ANO10: variants seen among roughly 807,000 people sequenced by gnomAD.
ANO10 encodes anoctamin 10.
In ANO10, 77 loss-of-function variants were observed where a neutral mutation model predicts 74.7. That is an observed-to-expected ratio of 1.03 (90% CI 0.86 to 1.25). The LOEUF (loss-of-function observed/expected upper bound fraction) is 1.25, where lower values mean the gene tolerates loss of function less well. Among genes scored for constraint, ANO10 ranks in the 50% most tolerant of loss-of-function variants. The pLI, the probability that ANO10 is intolerant of heterozygous loss-of-function variation, is 0.00. For missense variants in ANO10, 721 were observed against 778.1 expected, an observed-to-expected ratio of 0.93 and a Z score of 0.87; for synonymous variants, 279 against 284.9, an observed-to-expected ratio of 0.98 and a Z score of 0.21.
intron 11 of ANO10, among the ~76,000 whole-genome samples, chr3:43,501,198 G>A (rs948163533): frequency 3.3e-5 from 5 of 152,162 alleles, no homozygotes; most frequent in East Asian, 1.9e-4. Flanking sequence ...GGAAGGTGAA[G>A]GGGAGCCAGC....
chr3:43,611,232 G>A (rs574404397), intron 1 of ANO10, among the ~76,000 whole-genome samples: 3 of 152,226 alleles, frequency 2.0e-5, no homozygotes, highest in East Asian at 3.9e-4. Flanking sequence ...CCCTTTCCAT[G>A]GGCCACTGAG....
chr3:43,484,923 G>A (rs551838987), intron 11 of ANO10: 21 of 736,744 alleles, frequency 2.9e-5, no homozygotes, highest in Middle Eastern at 3.9e-4. Context: ...TTTTTTCACC[G>A]GGGCGTTCCT....
chr3:43,681,698 A>G (rs1327406047), intron 1 of ANO10, among the ~76,000 whole-genome samples: 3 of 152,214 alleles, frequency 2.0e-5, no homozygotes, highest in Non-Finnish European at 2.9e-5. Context: ...TCCTCAGCAA[A>G]TGTAAAAGAA....
chr3:43,615,886 C>A (rs1336949572), intron 1 of ANO10, among the ~76,000 whole-genome samples: 2 of 152,098 alleles, frequency 1.3e-5, no homozygotes, highest in Non-Finnish European at 2.9e-5. Flanking sequence ...ATCTCCTGAC[C>A]TTGTGATCCG....
In ANO10 at chr3:43,576,976, C is replaced by A. The variant is rs1403505889; in HGVS notation, c.878G>T (p.Gly293Val). The stretch of plus-strand genomic sequence containing the variant: ...CTCCTTCCCAGTGATGGAATTGATA[C>A]CCAAGACACCATGAAATCCTGGCCG... ...EPRPGFHGVL[G>V]INSITGKEEP... Residue 293 changes from glycine to valine, a missense_variant, in exon 6 of 13, where the codon GGT becomes GTT. By Grantham distance (109) the Gly-to-Val change is moderately radical. Transcript: ENST00000292246. 4.3e-6 allele frequency: 7 copies of A among 1,613,590 alleles called. No individual in the cohort carries two copies. Among genetic ancestry groups the A allele is most frequent in the Middle Eastern group, 3.3e-4 (2 of 6,082 alleles).
intron 12 of ANO10, among the ~76,000 whole-genome samples, chr3:43,419,698 T>C (rs1171467706): frequency 6.6e-6 from 1 of 152,078 alleles, no homozygotes; most frequent in East Asian, 1.9e-4. Context: ...TGTATTTTTG[T>C]AGAGATGGGG....
chr3:43,564,021 T>C (rs1490084840), intron 8 of ANO10, among the ~76,000 whole-genome samples: 1 of 152,136 alleles, frequency 6.6e-6, no homozygotes, highest in East Asian at 1.9e-4. Flanking sequence ...AGATGATAGA[T>C]ACTCTAAATA....
chr3:43,646,168 T>C (rs1034497289), intron 1 of ANO10, among the ~76,000 whole-genome samples: 4 of 152,204 alleles, frequency 2.6e-5, no homozygotes, highest in Non-Finnish European at 5.9e-5. Context: ...GTTTCTTATT[T>C]TTCTGCAGAG....
chr3:43,647,660 C>T lies in ANO10; in HGVS notation c.-11-41797G>A, dbSNP rs56318617. Among the ~76,000 whole-genome samples, 9 of 152,166 alleles carry T rather than the reference C, an allele frequency of 5.9e-5. 1 individual carries two copies. In the East Asian group the frequency reaches 1.2e-3, roughly 20 times the overall value. On this transcript the variant is annotated intron_variant, in intron 1 of 3. Transcript: ENST00000413397. ...AGACATAAAATTAACCATCATATTACACTACTCTGTATTCGAAGTATTCAA... is the reference window on the plus strand; with the variant it reads ...AGACATAAAATTAACCATCATATTATACTACTCTGTATTCGAAGTATTCAA...
chr3:43,471,141 G>A (rs909946919), intron 11 of ANO10, among the ~76,000 whole-genome samples: 4 of 152,024 alleles, frequency 2.6e-5, no homozygotes, highest in African/African-American at 9.7e-5. Context: ...CACTGCTGTG[G>A]TGACCCAGAA....
At chr3:43,457,020 A>C (rs531171865) in intron 11 of ANO10, among the ~76,000 whole-genome samples, 10 of 152,350 alleles carry the variant, frequency 6.6e-5, no homozygotes, top group African/African-American at 2.4e-4. Flanking sequence ...CAATCATTTC[A>C]ATTTATGAAT....
At chr3:43,538,987 G>GT (rs1048997942) in intron 11 of ANO10, among the ~76,000 whole-genome samples, 56 of 152,292 alleles carry the variant, frequency 3.7e-4, no homozygotes, top group Non-Finnish European at 1.0e-4. Flanking sequence ...CTTTGAAAGT[G>GT]TTTTTTAAAA....
At chr3:43,442,303 C>T (rs2093171902) in intron 11 of ANO10, among the ~76,000 whole-genome samples, 1 of 151,966 alleles carries the variant, frequency 6.6e-6, no homozygotes, top group Non-Finnish European at 1.5e-5. Context: ...CACACACACC[C>T]ATTAGAACTA....
chr3:43,624,972 G>C (rs2127723), upstream of ANO10, among the ~76,000 whole-genome samples: 24 of 152,304 alleles, frequency 1.6e-4, no homozygotes, highest in East Asian at 3.9e-3. Context: ...ACCTATGACT[G>C]CATGTCAAAC....
At chr3:43,633,155 G>GA (rs1559378013) in intron 1 of ANO10, among the ~76,000 whole-genome samples, 4 of 152,024 alleles carry the variant, frequency 2.6e-5, no homozygotes, top group African/African-American at 9.7e-5. Context: ...TCGTCCCCCC[G>GA]GAAAGAAATA....
chr3:43,602,510 A>G (rs2082380400), intron 2 of ANO10, among the ~76,000 whole-genome samples: 1 of 151,998 alleles, frequency 6.6e-6, no homozygotes. Context: ...TAATTTTTAT[A>G]TTTTTAGTAG....
chr3:43,374,793 A>G (rs1323485125), intron 12 of ANO10, among the ~76,000 whole-genome samples: 1 of 152,194 alleles, frequency 6.6e-6, no homozygotes, highest in Non-Finnish European at 1.5e-5. Flanking sequence ...ATCTGTATGC[A>G]CACATTTTAG....
At chr3:43,655,279 C>T (rs141355454) in intron 1 of ANO10, among the ~76,000 whole-genome samples, 2 of 152,070 alleles carry the variant, frequency 1.3e-5, no homozygotes, top group African/African-American at 2.4e-5. Flanking sequence ...CTTAAGGTGG[C>T]GCGTCTGGAG....
At chr3:43,380,828 T>C (rs527400836) in intron 12 of ANO10, among the ~76,000 whole-genome samples, 1 of 152,162 alleles carries the variant, frequency 6.6e-6, no homozygotes, top group Admixed American at 6.5e-5. Flanking sequence ...TTGAATAGAA[T>C]AGTACCTCAC....
Sources: allele counts gnomAD v4.1 joint callset (sites outside exome capture counted in the v4.1 genomes callset), GRCh38; gene constraint gnomAD v4.1.1; transcripts MANE v1.5; gene names NCBI Gene and HGNC (gene_info 2026-07-23, HGNC 2026-07-21).